Variants in CDH12 observed in about 807,000 individuals in gnomAD.
CDH12 encodes cadherin 12.
A neutral mutation model predicts 74.1 loss-of-function variants in CDH12; 41 were observed. The ratio of observed to expected loss-of-function variants is 0.55; its 90% confidence interval spans 0.43 to 0.72. The LOEUF is 0.72. Ranked by LOEUF, CDH12 falls within the 30% of genes least tolerant of loss-of-function variation. CDH12 has a pLI of 0.00. For synonymous variants in CDH12, 399 were observed against 355.0 expected (o/e 1.12, Z -1.39); for missense variants, 945 against 977.2 (o/e 0.97, Z 0.44).
chr5:22,579,997 C>CT (rs914425054), intron 1 of CDH12, among the ~76,000 whole-genome samples: 28 of 152,120 alleles, frequency 1.8e-4, no homozygotes, highest in Admixed American at 9.2e-4. Flanking sequence ...CTCAAAGCTA[C>CT]TTTTTTCCCC....
At chr5:22,580,863 AT>A in intron 1 of CDH12, 1 of 173,504 alleles carries the variant, frequency 5.8e-6, no homozygotes, top group East Asian at 1.7e-4. Flanking sequence ...GACTGGCGGC[AT>A]TTTGCCCATG....
intron 3 of CDH12, among the ~76,000 whole-genome samples, chr5:22,363,903 G>A (rs1478529113): frequency 6.6e-6 from 1 of 152,176 alleles, no homozygotes; most frequent in Admixed American, 6.5e-5. Context: ...TTAGTAACGT[G>A]ATATTCTGCC....
intron 6 of CDH12, among the ~76,000 whole-genome samples, chr5:21,887,302 G>A (rs1192371375): frequency 1.3e-5 from 2 of 151,980 alleles, no homozygotes; most frequent in Non-Finnish European, 2.9e-5. Flanking sequence ...GTTTAAACAA[G>A]ATGTTTATGA....
At chr5:22,650,568 A>C (rs1021065084) in intron 1 of CDH12, among the ~76,000 whole-genome samples, 7 of 152,058 alleles carry the variant, frequency 4.6e-5, no homozygotes, top group African/African-American at 1.7e-4. Context: ...AGAGAACATA[A>C]TTGCTGTAGG....
intron 3 of CDH12, among the ~76,000 whole-genome samples, chr5:22,316,535 A>T (rs1738641024): frequency 6.6e-6 from 1 of 152,146 alleles, no homozygotes; most frequent in South Asian, 2.1e-4. Context: ...ATATTGTCTG[A>T]TTCCTCAAAA....
chr5:22,634,902 G>A (rs1034237267), intron 1 of CDH12, among the ~76,000 whole-genome samples: 3 of 151,426 alleles, frequency 2.0e-5, no homozygotes, highest in African/African-American at 7.3e-5. Context: ...CAGATGATTT[G>A]TTATTGTTAA....
chr5:22,624,527 G>A (rs1738166595), intron 1 of CDH12, among the ~76,000 whole-genome samples: 1 of 152,146 alleles, frequency 6.6e-6, no homozygotes, highest in South Asian at 2.1e-4. Flanking sequence ...CTCAAAAGAA[G>A]ACATTTATGT....
At chr5:22,659,184 T>A (rs889246415) in intron 1 of CDH12, among the ~76,000 whole-genome samples, 2 of 152,094 alleles carry the variant, frequency 1.3e-5, no homozygotes, top group African/African-American at 4.8e-5. Context: ...CAGCCACATT[T>A]TAATTATATT....
intron 5 of CDH12, among the ~76,000 whole-genome samples, chr5:21,989,516 A>G (rs1757659248): frequency 1.3e-5 from 2 of 152,106 alleles, no homozygotes; most frequent in Admixed American, 6.6e-5. Context: ...TCTTTCCCCA[A>G]CCATGAGTCC....
intron 3 of CDH12, among the ~76,000 whole-genome samples, chr5:22,220,447 A>T (rs1751972861): frequency 6.6e-6 from 1 of 151,770 alleles, no homozygotes; most frequent in South Asian, 2.1e-4. Flanking sequence ...AAAAAAGTAG[A>T]TTACATCCCA....
intron 3 of CDH12, among the ~76,000 whole-genome samples, chr5:22,381,475 T>C (rs1365377000): frequency 1.3e-5 from 2 of 152,050 alleles, no homozygotes; most frequent in Non-Finnish European, 2.9e-5. Context: ...AATACGAACA[T>C]TTTTGTTTTT....
intron 1 of CDH12, among the ~76,000 whole-genome samples, chr5:22,801,149 C>T (rs1220680390): frequency 2.6e-5 from 4 of 152,176 alleles, no homozygotes; most frequent in Non-Finnish European, 5.9e-5. Context: ...TACCATTTCG[C>T]ATTACCTCCA....
At chr5:22,690,704 C>T (rs764185864) in intron 1 of CDH12, among the ~76,000 whole-genome samples, 1 of 152,078 alleles carries the variant, frequency 6.6e-6, no homozygotes, top group Non-Finnish European at 1.5e-5. Context: ...GTGCCACTTG[C>T]ACAAATCACT....
chr5:22,668,746 TC>T (rs1015746370), intron 1 of CDH12, among the ~76,000 whole-genome samples: 2 of 152,234 alleles, frequency 1.3e-5, no homozygotes, highest in Admixed American at 6.5e-5. Flanking sequence ...GGAATAAGTT[TC>T]AACATGAGCT....
In CDH12 at chr5:22,302,037, T is replaced by TGA. The variant is rs1291828346; in HGVS notation, c.-332-89396_-332-89395dup. On this transcript the variant is annotated intron_variant, in intron 3 of 14. Coordinates refer to ENST00000382254, the MANE Select transcript of CDH12 (RefSeq NM_004061.5). Reference sequence around the variant, plus strand: ...GAGAGAGAGAGAGAGAGAGAGTGAGTGAGAGAGAGTCTCAAAAATTAAATA... The same window carrying TGA: ...GAGAGAGAGAGAGAGAGAGAGTGAGTGAGAGAGAGAGTCTCAAAAATTAAATA... Among the ~76,000 whole-genome samples the TGA allele has an allele frequency of 2.7e-5, 4 of 148,338 alleles. No homozygotes were observed. The South Asian group carries it at 6.4e-4, about 24-fold the overall frequency.
intron 3 of CDH12, among the ~76,000 whole-genome samples, chr5:22,312,533 A>G (rs1328362634): frequency 6.6e-6 from 1 of 152,162 alleles, no homozygotes. Context: ...ATTTTGTGAT[A>G]TATTTCACTT....
At chr5:22,027,756 A>C (rs1390361387) in intron 5 of CDH12, among the ~76,000 whole-genome samples, 1 of 150,970 alleles carries the variant, frequency 6.6e-6, no homozygotes, top group Non-Finnish European at 1.5e-5. Flanking sequence ...TGATCCTTTC[A>C]AAAAACCAGC....
intron 5 of CDH12, among the ~76,000 whole-genome samples, chr5:22,018,023 T>C (rs1737711898): frequency 6.6e-6 from 1 of 152,126 alleles, no homozygotes; most frequent in African/African-American, 2.4e-5. Context: ...CCTCTCAAAG[T>C]GCTGGGATTA....
Position 22,731,949 on chromosome 5 carries a change from C to T in CDH12, c.-523+121109G>A, listed in dbSNP as rs184749647. 9.9e-5 allele frequency among the ~76,000 whole-genome samples: 15 copies of T among 151,914 alleles called. 1 individual carries two copies. The highest frequency in any genetic ancestry group is 7.9e-4 in the Admixed American group (12 of 15,196). On this transcript the variant is annotated intron_variant, in intron 1 of 14. Transcript: ENST00000382254. ...GGAAGCCAAGACATTTGCCTAAATA[C>T]ATAGCAACAATAATGAAGGAAAACA... is the stretch of plus-strand genomic sequence containing the variant.
Sources: allele counts gnomAD v4.1 joint callset (sites outside exome capture counted in the v4.1 genomes callset), GRCh38; gene constraint gnomAD v4.1.1; transcripts MANE v1.5; gene names NCBI Gene and HGNC (gene_info 2026-07-23, HGNC 2026-07-21).